The following MAPK9 variants were observed in gnomAD, a reference collection of about 807,000 sequenced individuals.
MAPK9 encodes Jun kinase.
A neutral mutation model predicts 57.1 loss-of-function variants in MAPK9; 30 were observed. That is an observed-to-expected ratio of 0.53 (90% CI 0.39 to 0.71). The LOEUF (loss-of-function observed/expected upper bound fraction) is 0.71, where lower values mean the gene tolerates loss of function less well. MAPK9 is among the 30% of genes least tolerant of loss of function. The probability of loss-of-function intolerance (pLI) is 0.00; values close to 1 mark genes in which losing one functional copy is unlikely to be tolerated. For missense variants in MAPK9, 362 were observed against 521.0 expected, an observed-to-expected ratio of 0.69 and a Z score of 2.97; for synonymous variants, 155 against 177.0, an observed-to-expected ratio of 0.88 and a Z score of 0.99.
intron 2 of MAPK9, among the ~76,000 whole-genome samples, chr5:180,275,722 A>C (rs1046548715): frequency 1.3e-5 from 2 of 152,168 alleles, no homozygotes; most frequent in Non-Finnish European, 2.9e-5. Flanking sequence ...TCACAGGCAC[A>C]CTTTTAATTA....
chr5:180,234,631 G>T lies in MAPK9; in HGVS notation c.*1753C>A, dbSNP rs1757058186. Reference sequence around the variant, plus strand: ...ATTTAGTGAAGTCTTTTAAAAGAAAGTGTATTACAGAGAAGGCCATTTTAA... The same window carrying T: ...ATTTAGTGAAGTCTTTTAAAAGAAATTGTATTACAGAGAAGGCCATTTTAA... On this transcript the variant is annotated 3_prime_UTR_variant, in exon 12 of 12. Coordinates refer to ENST00000452135, the MANE Select transcript of MAPK9 (RefSeq NM_002752.5). The T allele has an allele frequency of 6.6e-6, 1 of 152,218 alleles. No homozygotes were observed. Among genetic ancestry groups the T allele is most frequent in the African/African-American group, 2.4e-5 (1 of 41,458 alleles). 9.4% of individuals were successfully genotyped at this position (152,218 alleles called of 1,614,324 possible).
At chr5:180,260,880 GT>G (rs1364650253) in intron 5 of MAPK9, among the ~76,000 whole-genome samples, 2 of 151,504 alleles carry the variant, frequency 1.3e-5, no homozygotes, top group East Asian at 1.9e-4. Context: ...AAAATGTACT[GT>G]TTTTTGGCAG....
At chr5:180,268,570 G>A (rs1760917407) in intron 3 of MAPK9, among the ~76,000 whole-genome samples, 1 of 152,268 alleles carries the variant, frequency 6.6e-6, no homozygotes, top group Non-Finnish European at 1.5e-5. Context: ...GCTCACGCCT[G>A]TAATCCCAGC....
Position 180,280,522 on chromosome 5 carries a change from G to A in MAPK9, c.40C>T (p.Gln14Ter). 1 of 1,614,190 alleles carries A rather than the reference G, an allele frequency of 6.2e-7. No individual in the cohort carries two copies. The highest frequency in any genetic ancestry group is 8.5e-7 in the Non-Finnish European group (1 of 1,180,038). Residue 14 changes from glutamine (Q) to a stop codon, truncating the protein, a stop_gained, in exon 2 of 12, where the codon CAA (glutamine) becomes TAA (stop). Coordinates refer to ENST00000452135, the MANE Select transcript of MAPK9 (RefSeq NM_002752.5). LOFTEE classifies it high-confidence loss of function. ...SKCDSQFYSV[Q>*]VADSTFTVLK... is the part of the protein sequence containing the mutation. The stretch of plus-strand genomic sequence containing the variant: ...ACAGTGAAGGTTGAGTCTGCCACTT[G>A]CACACTATAAAACTGACTGTCACAT...
intron 7 of MAPK9, chr5:180,246,692 T>A (rs1758138242): frequency 6.6e-6 from 1 of 152,170 alleles, no homozygotes; most frequent in South Asian, 2.1e-4. Flanking sequence ...GAATGGCAAA[T>A]GAGGAAAGAA....
intron 5 of MAPK9, among the ~76,000 whole-genome samples, chr5:180,260,639 C>A (rs1021579205): frequency 6.6e-6 from 1 of 151,972 alleles, no homozygotes; most frequent in African/African-American, 2.4e-5. Context: ...GTTTTTTTGT[C>A]AGTTAATACA....
intron 7 of MAPK9, among the ~76,000 whole-genome samples, chr5:180,244,610 C>T (rs545595169): frequency 2.0e-5 from 3 of 151,850 alleles, no homozygotes; most frequent in Non-Finnish European, 4.4e-5. Flanking sequence ...CCTGGCCCTA[C>T]TAAAAATACA....
At chr5:180,256,811 T>C (rs1026699240) in intron 5 of MAPK9, among the ~76,000 whole-genome samples, 7 of 152,148 alleles carry the variant, frequency 4.6e-5, no homozygotes, top group Non-Finnish European at 1.0e-4. Flanking sequence ...CCCACTTACC[T>C]TGGGGCCCAA....
chr5:180,233,223 C>T lies in MAPK9; in HGVS notation c.*3161G>A, dbSNP rs536652198. The T allele has an allele frequency of 6.6e-6, 1 of 152,282 alleles. No individual in the cohort carries two copies. The highest frequency in any genetic ancestry group is 2.1e-4 in the South Asian group (1 of 4,816). The allele number at this position is 152,282 out of a possible 1,614,324, so 9.4% of individuals were successfully genotyped here. A position where few individuals can be genotyped will look rare whatever the true frequency, so the allele number is the denominator to read the frequency against. Reference sequence around the variant, plus strand: ...AGACGTCAGATGAACTTGGCTCATCCCAGGCACAAAGCCACAAGCACCATG... The same window carrying T: ...AGACGTCAGATGAACTTGGCTCATCTCAGGCACAAAGCCACAAGCACCATG... On this transcript the variant is annotated 3_prime_UTR_variant, in exon 12 of 12. Transcript: ENST00000452135.
chr5:180,265,982 G>C (rs1036673285), intron 3 of MAPK9, among the ~76,000 whole-genome samples: 1 of 150,928 alleles, frequency 6.6e-6, no homozygotes, highest in Non-Finnish European at 1.5e-5. Context: ...GGAAACCTAA[G>C]AGATCTGATT....
chr5:180,242,920 C>T, intron 7 of MAPK9, 165 bp from the exon 8 acceptor site: 1 of 525,936 alleles, frequency 1.9e-6, no homozygotes, highest in Admixed American at 3.4e-5. Flanking sequence ...CCAAGTTACA[C>T]TATTTTTTAA....
In MAPK9 at chr5:180,270,893, A is replaced by C. The variant is rs1482162110; in HGVS notation, c.123-1484T>G. 4.0e-5 allele frequency among the ~76,000 whole-genome samples: 6 copies of C among 151,888 alleles called. No individual in the cohort carries two copies. The South Asian group carries it at 1.0e-3, about 26-fold the overall frequency. The stretch of plus-strand genomic sequence containing the variant: ...AAAAAAGAAAAAGAAAAAGAAAAAA[A>C]GAATTTGAAAACAGACACACTTTTT... On this transcript the variant is annotated intron_variant, in intron 2 of 11. Coordinates refer to ENST00000452135, the MANE Select transcript of MAPK9 (RefSeq NM_002752.5).
chr5:180,263,862 C>T (rs945175330), intron 4 of MAPK9, among the ~76,000 whole-genome samples: 4 of 152,134 alleles, frequency 2.6e-5, no homozygotes, highest in East Asian at 1.9e-4. Context: ...CCCGCCACCA[C>T]GCCCGGCTGA....
chr5:180,242,553 A>T lies in MAPK9; in HGVS notation c.871+20T>A. On this transcript the variant is annotated intron_variant, in intron 8 of 11. Transcript: ENST00000452135. ...ACCTGAATTACAAAACACAAGTATA[A>T]GAAAAAAAGGATATCTTACTTTTTA... 1 of 1,594,148 alleles carries T rather than the reference A, an allele frequency of 6.3e-7. No individual in the cohort carries two copies. Among genetic ancestry groups the T allele is most frequent in the Non-Finnish European group, 8.6e-7 (1 of 1,167,000 alleles).
chr5:180,243,602 G>A (rs1757828946), intron 7 of MAPK9, among the ~76,000 whole-genome samples: 1 of 152,214 alleles, frequency 6.6e-6, no homozygotes, highest in Non-Finnish European at 1.5e-5. Flanking sequence ...ACTGAGGCAT[G>A]TCTTAGAAAA....
At chr5:180,261,605 T>A (rs1223632971) in intron 5 of MAPK9, 79 bp downstream of exon 5, 24 of 1,298,254 alleles carry the variant, frequency 1.8e-5, no homozygotes, top group Admixed American at 5.7e-5. Flanking sequence ...CAATTTTTTT[T>A]AAATGTTATT....
intron 3 of MAPK9, among the ~76,000 whole-genome samples, chr5:180,268,695 C>T (rs977800719): frequency 9.2e-5 from 14 of 152,058 alleles, no homozygotes; most frequent in East Asian, 1.9e-4. Flanking sequence ...GGCGTGGTGG[C>T]GGGCGCCTGT....
At chr5:180,289,602 G>A (rs1763054870) in intron 1 of MAPK9, among the ~76,000 whole-genome samples, 2 of 152,200 alleles carry the variant, frequency 1.3e-5, no homozygotes, top group Non-Finnish European at 1.5e-5. Context: ...AGACTCCTGA[G>A]CTTCCGTTTC....
At chr5:180,281,981 G>A (rs971214874) in intron 1 of MAPK9, among the ~76,000 whole-genome samples, 1 of 152,222 alleles carries the variant, frequency 6.6e-6, no homozygotes, top group Non-Finnish European at 1.5e-5. Flanking sequence ...ATCTAGGGCT[G>A]AGTGAGCTGG....
Sources: allele counts gnomAD v4.1 joint callset (sites outside exome capture counted in the v4.1 genomes callset), GRCh38; gene constraint gnomAD v4.1.1; transcripts MANE v1.5; gene names NCBI Gene and HGNC (gene_info 2026-07-23, HGNC 2026-07-21).